Variants in PWWP2A observed in about 807,000 individuals in gnomAD.
The protein encoded by PWWP2A is PWWP domain containing 2A.
In PWWP2A, 18 loss-of-function variants were observed where a neutral mutation model predicts 48.5. The ratio of observed to expected loss-of-function variants is 0.37; its 90% CI spans 0.26 to 0.55. PWWP2A has a LOEUF of 0.55. Ranked by LOEUF, PWWP2A falls within the 20% of genes least tolerant of loss-of-function variation. The pLI is 0.81. For synonymous variants in PWWP2A, 396 were observed against 387.7 expected, an observed-to-expected ratio of 1.02 and a Z score of -0.25; for missense variants, 867 against 976.4, an observed-to-expected ratio of 0.89 and a Z score of 1.49.
At chr5:160,089,327 C>G (rs575291599), downstream of PWWP2A, among the ~76,000 whole-genome samples, 66 of 152,150 alleles carry the variant, frequency 4.3e-4, no homozygotes, top group Admixed American at 2.1e-3. Flanking sequence ...AGGATACAGG[C>G]GAATAGCTGG....
intron 1 of PWWP2A, among the ~76,000 whole-genome samples, chr5:160,097,710 G>GT (rs1418649191): frequency 1.4e-5 from 2 of 146,854 alleles, no homozygotes; most frequent in Non-Finnish European, 3.0e-5. Context: ...TTTTTTTGGG[G>GT]GGGGGGGCGG....
At chr5:160,107,118 T>C (rs1455095654) in intron 1 of PWWP2A, among the ~76,000 whole-genome samples, 1 of 152,154 alleles carries the variant, frequency 6.6e-6, no homozygotes, top group African/African-American at 2.4e-5. Flanking sequence ...TGAGCCACCG[T>C]GACCGGCCTT....
chr5:160,104,451 G>C (rs1419019624), intron 1 of PWWP2A, among the ~76,000 whole-genome samples: 1 of 151,936 alleles, frequency 6.6e-6, no homozygotes, highest in Non-Finnish European at 1.5e-5. Flanking sequence ...AAAGGACAGA[G>C]AGAGAGGCTA....
intron 1 of PWWP2A, among the ~76,000 whole-genome samples, chr5:160,105,239 C>CA (rs70990704): frequency 0.026 from 1,259 of 48,944 alleles, 97 homozygotes; most frequent in East Asian, 0.054. Flanking sequence ...GTCTCTAAGG[C>CA]AAAAAAAAAA....
chr5:160,069,019 C>T (rs972879128), intron 2 of PWWP2A, among the ~76,000 whole-genome samples: 3 of 152,068 alleles, frequency 2.0e-5, no homozygotes, highest in Non-Finnish European at 4.4e-5. Context: ...CGCACAGTGG[C>T]TCAGGGCCTG....
chr5:160,093,330 T>G lies in PWWP2A; in HGVS notation c.1320A>C (p.Gln440His). 1.2e-6 allele frequency: 2 copies of G among 1,613,934 alleles called. No homozygotes were observed. The highest frequency in any genetic ancestry group is 1.7e-6 in the Non-Finnish European group (2 of 1,179,830). ...AAGTAGAGGTTTCATTTTGCTTCTT[T>G]TGTGCCTTTTCTTTGGCAATTTTTA... ...EVLKIAKEKA[Q>H]KKQNETSTSK... The change falls in exon 2 of 2, where the codon CAA (glutamine) becomes CAC (histidine). Residue 440 changes from glutamine to histidine, a missense_variant. Transcript: ENST00000307063. The surrounding 1 kb of genome is among the most constrained non-coding windows in gnomAD (Gnocchi z 5.8).
the PWWP2A span, among the ~76,000 whole-genome samples, chr5:160,050,728 C>G: frequency 6.6e-6 from 1 of 150,546 alleles, no homozygotes; most frequent in African/African-American, 2.4e-5. Flanking sequence ...CAGATTCAAG[C>G]AACCCTCCCA....
downstream of PWWP2A, among the ~76,000 whole-genome samples, chr5:160,088,980 T>C (rs777790237): frequency 6.6e-6 from 1 of 152,242 alleles, no homozygotes; most frequent in East Asian, 1.9e-4. Context: ...GGCTCACTAG[T>C]GAAGATATAT....
chr5:160,054,287 A>G, the PWWP2A span, among the ~76,000 whole-genome samples: 15 of 152,278 alleles, frequency 9.9e-5, no homozygotes, highest in South Asian at 2.5e-3. Context: ...CTTTCTCTCT[A>G]ATGGAATGAT....
chr5:160,079,542 T>G (rs1365450431), intron 3 of PWWP2A, among the ~76,000 whole-genome samples: 2 of 152,220 alleles, frequency 1.3e-5, no homozygotes, highest in Non-Finnish European at 2.9e-5. Context: ...ACTAATAGAT[T>G]AAGGCTCACA....
intron 4 of PWWP2A, among the ~76,000 whole-genome samples, chr5:160,066,095 C>T (rs564742283): frequency 6.6e-6 from 1 of 152,078 alleles, no homozygotes; most frequent in Non-Finnish European, 1.5e-5. Context: ...TCATCTGTTC[C>T]TAAAAGCTTT....
At chr5:160,046,746 GCTCACGCCTGTAATCCCAACA>G in the PWWP2A span, among the ~76,000 whole-genome samples, 14 of 152,194 alleles carry the variant, frequency 9.2e-5, no homozygotes, top group African/African-American at 3.4e-4. Flanking sequence ...GGGCACAGTG[GCTCACGCCTGTAATCCCAACA>G]CTTTGGGAGG....
intron 1 of PWWP2A, among the ~76,000 whole-genome samples, chr5:160,115,060 C>G (rs1362164655): frequency 6.9e-6 from 1 of 145,256 alleles, no homozygotes; most frequent in African/African-American, 2.6e-5. Context: ...TCACTTGAAC[C>G]CGGTGGGGCG....
At chr5:160,080,729 G>A in exon 3 of PWWP2A, 1 of 1,572,404 alleles carries the variant, frequency 6.4e-7, no homozygotes, top group South Asian at 1.2e-5. Flanking sequence ...GGAGCAGCAG[G>A]ACTCGTCACT....
At chr5:160,056,049 T>G in the PWWP2A span, among the ~76,000 whole-genome samples, 1 of 152,204 alleles carries the variant, frequency 6.6e-6, no homozygotes, top group East Asian at 1.9e-4. Flanking sequence ...AGAACACAAG[T>G]ATGGCTTGTA....
the PWWP2A span, among the ~76,000 whole-genome samples, chr5:160,052,213 TTTAA>T: frequency 3.9e-5 from 6 of 152,304 alleles, no homozygotes; most frequent in East Asian, 1.2e-3. Flanking sequence ...AATTTACATA[TTTAA>T]TTAAACTTGG....
At chr5:160,090,811 G>A (rs1581189739), downstream of PWWP2A, 1 of 981,546 alleles carries the variant, frequency 1.0e-6, no homozygotes, top group Non-Finnish European at 1.2e-6. Context: ...CACAAAGTAT[G>A]AAAGCAACTT....
the PWWP2A span, chr5:160,049,743 C>A: frequency 8.3e-7 from 1 of 1,198,696 alleles, no homozygotes; most frequent in Non-Finnish European, 1.1e-6. Context: ...TCCTTTCAGA[C>A]ACAATTAAAT....
Position 160,080,606 on chromosome 5 carries a change from C to T in PWWP2A, c.1669+45G>A. On this transcript the variant is annotated intron_variant, in intron 3 of 3. Coordinates refer to the PWWP2A transcript ENST00000456329. The stretch of plus-strand genomic sequence containing the variant: ...TACTTCAGGAATGATTAAGTGATGA[C>T]ATGATGCCCTCTTCACTTTGTGGCA... 4 of 1,470,486 alleles carry T rather than the reference C, an allele frequency of 2.7e-6. No individual in the cohort carries two copies. In the South Asian group the frequency reaches 4.1e-5, roughly 15 times the overall value. 91.1% of individuals were successfully genotyped at this position (1,470,486 alleles called of 1,614,324 possible).
Sources: gnomAD v4.1 joint callset for allele counts (sites outside exome capture counted in the v4.1 genomes callset) on GRCh38, gnomAD v4.1.1 for gene constraint, Gnocchi (gnomAD v3.1) non-coding constraint, MANE v1.5 for transcripts, NCBI Gene and HGNC (gene_info 2026-07-23, HGNC 2026-07-21) for gene names.